Variants in RNF38 observed in about 807,000 individuals in gnomAD.
RNF38 encodes E3 ubiquitin-protein ligase RNF38.
Under a neutral mutation model 67.2 loss-of-function variants are expected in RNF38, and 15 were observed. The observed-to-expected ratio is 0.22, with a 90% CI of 0.15 to 0.34. RNF38 has a LOEUF of 0.34. RNF38 is among the 10% of genes least tolerant of loss of function. The pLI is 1.00. For missense variants in RNF38, 524 were observed against 639.9 expected (o/e 0.82, Z 1.95); for synonymous variants, 220 against 218.8 (o/e 1.01, Z -0.05).
At chr9:36,472,714 T>A (rs1442216876) in intron 1 of RNF38, among the ~76,000 whole-genome samples, 1 of 152,200 alleles carries the variant, frequency 6.6e-6, no homozygotes, top group Non-Finnish European at 1.5e-5. Context: ...TTTCTTCATC[T>A]GTTTAAGTGC....
In RNF38 at chr9:36,451,491, GTTTT is replaced by G. The variant is rs374396585; in HGVS notation, n.242-26812_242-26809del. On this transcript the variant is annotated intron_variant and non_coding_transcript_variant, in intron 1 of 3. Coordinates refer to the RNF38 transcript ENST00000488058. ...TAAAGAAGAAAAAAAAATTGTAGTA[GTTTT>G]TTTTTTTTTTTTTTTTTTTTTTGAG... Among the ~76,000 whole-genome samples, 14 of 58,688 alleles carry G rather than the reference GTTTT, an allele frequency of 2.4e-4. No homozygotes were observed. The East Asian group carries it at 4.5e-3, about 19-fold the overall frequency. 38.5% of individuals were successfully genotyped at this position (58,688 alleles called of 152,430 possible). A position where few individuals can be genotyped will look rare whatever the true frequency, so the allele number is the denominator to read the frequency against.
intron 1 of RNF38, among the ~76,000 whole-genome samples, chr9:36,446,937 G>A (rs1839319252): frequency 6.7e-6 from 1 of 148,888 alleles, no homozygotes; most frequent in African/African-American, 2.5e-5. Context: ...TCTGGCCAAT[G>A]TGGTGAAACC....
intron 1 of RNF38, among the ~76,000 whole-genome samples, chr9:36,479,593 A>G (rs910611149): frequency 1.1e-4 from 16 of 152,188 alleles, no homozygotes; most frequent in African/African-American, 3.9e-4. Flanking sequence ...GCACCCCTCT[A>G]TGCGATTCTC....
At chr9:36,404,023 C>G (rs1838122400), upstream of RNF38, among the ~76,000 whole-genome samples, 1 of 152,138 alleles carries the variant, frequency 6.6e-6, no homozygotes, top group East Asian at 1.9e-4. Context: ...AGAAATATTT[C>G]CCTTCACATG....
chr9:36,341,878 GCAAT>G (rs1832877491), intron 11 of RNF38, among the ~76,000 whole-genome samples: 1 of 53,946 alleles, frequency 1.9e-5, no homozygotes, highest in African/African-American at 5.9e-5. Flanking sequence ...AGAAGCCCCT[GCAAT>G]AATTTCACTC....
At chr9:36,405,688 T>C (rs1276126889), upstream of RNF38, among the ~76,000 whole-genome samples, 1 of 152,238 alleles carries the variant, frequency 6.6e-6, no homozygotes, top group East Asian at 1.9e-4. Context: ...TTAGATGTCC[T>C]GTTTTTTCTT....
Position 36,400,178 on chromosome 9 carries a change from A to C in RNF38, c.-70T>G. The C allele has an allele frequency of 3.1e-6, 5 of 1,592,994 alleles. No individual in the cohort carries two copies. Among genetic ancestry groups the C allele is most frequent in the Non-Finnish European group, 4.3e-6 (5 of 1,170,386 alleles). ...CTGAAACACTCCCGTTTCAAAAACC[A>C]ACCTCTCTCACGCTTCAACCCTGAA... On this transcript the variant is annotated 5_prime_UTR_variant, in exon 1 of 12. Transcript: ENST00000259605.
intron 2 of RNF38, among the ~76,000 whole-genome samples, chr9:36,422,575 C>T (rs545962033): frequency 6.6e-6 from 1 of 152,304 alleles, no homozygotes; most frequent in East Asian, 1.9e-4. Context: ...AGCTACCTAT[C>T]GATAAGTACT....
At position 36,369,612 on chromosome 9, in the gene RNF38, T is replaced by C; in HGVS notation, c.570+107A>G. ...GAATGAGGAACTTAAATAACTTCATTTTAGGTAAAAACTAAAAGAAATTTG... is the reference window on the plus strand; with the variant it reads ...GAATGAGGAACTTAAATAACTTCATCTTAGGTAAAAACTAAAAGAAATTTG... On this transcript the variant is annotated intron_variant, in intron 4 of 11. Coordinates refer to ENST00000259605, the MANE Select transcript of RNF38 (RefSeq NM_022781.5). 1.4e-5 allele frequency: 12 copies of C among 833,868 alleles called. No individual in the cohort carries two copies. In the South Asian group the frequency reaches 2.2e-4, roughly 15 times the overall value. 51.7% of individuals were successfully genotyped at this position (833,868 alleles called of 1,614,324 possible). A position where few individuals can be genotyped will look rare whatever the true frequency, so the allele number is the denominator to read the frequency against.
chr9:36,428,799 C>T (rs1258976993), intron 1 of RNF38, among the ~76,000 whole-genome samples: 1 of 152,116 alleles, frequency 6.6e-6, no homozygotes, highest in African/African-American at 2.4e-5. Flanking sequence ...CAGCCCTGAG[C>T]ATTTACTGAG....
chr9:36,484,400 G>A (rs1331643634), intron 1 of RNF38, among the ~76,000 whole-genome samples: 2 of 152,156 alleles, frequency 1.3e-5, no homozygotes, highest in East Asian at 3.8e-4. Flanking sequence ...TGTAGGAGAG[G>A]TCCATTATTA....
chr9:36,373,569 G>C (rs1835548596), intron 3 of RNF38, among the ~76,000 whole-genome samples: 1 of 150,798 alleles, frequency 6.6e-6, no homozygotes, highest in African/African-American at 2.4e-5. Context: ...CTAGGTGGTG[G>C]GTGTATGTAT....
intron 1 of RNF38, among the ~76,000 whole-genome samples, 156 bp downstream of exon 1, chr9:36,399,941 C>CT (rs778830307): frequency 2.6e-5 from 4 of 152,044 alleles, no homozygotes; most frequent in Admixed American, 6.5e-5. Context: ...AGTTTTCATA[C>CT]GTTAAGTCCA....
intron 1 of RNF38, among the ~76,000 whole-genome samples, chr9:36,461,156 G>T (rs377316595): frequency 1.3e-5 from 2 of 151,980 alleles, no homozygotes; most frequent in Non-Finnish European, 2.9e-5. Context: ...CGGAGATTGC[G>T]GTGAGCCAAG....
At chr9:36,444,688 T>C (rs1664159578) in intron 1 of RNF38, among the ~76,000 whole-genome samples, 1 of 152,046 alleles carries the variant, frequency 6.6e-6, no homozygotes, top group Non-Finnish European at 1.5e-5. Flanking sequence ...TAGTCCCAGC[T>C]ACTTGGGAGG....
At chr9:36,487,436 C>A (rs953383972) in exon 1 of RNF38, 12 of 979,678 alleles carry the variant, frequency 1.2e-5, no homozygotes, top group African/African-American at 1.8e-5. Flanking sequence ...GGGGCGCGGG[C>A]GGCGCGGGGG....
chr9:36,352,629 G>A (rs1210690310), intron 8 of RNF38, 113 bp downstream of exon 8: 1 of 830,930 alleles, frequency 1.2e-6, no homozygotes, highest in Non-Finnish European at 2.0e-6. Context: ...TTAACATTAA[G>A]TAAAGACAAA....
At chr9:36,409,524 A>G (rs144998066) in intron 2 of RNF38, among the ~76,000 whole-genome samples, 249 of 152,264 alleles carry the variant, frequency 1.6e-3, no homozygotes, top group Admixed American at 3.3e-3. Flanking sequence ...ACGTCTTACT[A>G]TTTCCATTAT....
At chr9:36,478,980 T>C (rs1379936106) in intron 1 of RNF38, among the ~76,000 whole-genome samples, 1 of 152,208 alleles carries the variant, frequency 6.6e-6, no homozygotes, top group Non-Finnish European at 1.5e-5. Context: ...TAAGTTACAA[T>C]TTCAGACTTA....
Sources: gnomAD v4.1 joint callset for allele counts (sites outside exome capture counted in the v4.1 genomes callset) on GRCh38, gnomAD v4.1.1 for gene constraint, MANE v1.5 for transcripts, NCBI Gene and HGNC (gene_info 2026-07-23, HGNC 2026-07-21) for gene names.